Variants in CEP112 observed in about 807,000 individuals in gnomAD.
CEP112 encodes the protein centrosomal protein of 112 kDa.
Under a neutral mutation model 153.0 loss-of-function variants are expected in CEP112, and 127 were observed. That is an observed-to-expected ratio of 0.83 (90% confidence interval 0.72 to 0.96). The LOEUF is 0.96. CEP112 is among the 40% of genes least tolerant of loss of function. The pLI is 0.00. For synonymous variants in CEP112, 358 were observed against 374.4 expected (o/e 0.96, Z 0.51); for missense variants, 1,089 against 1,101.2 (o/e 0.99, Z 0.16).
At chr17:65,765,691 A>C (rs2318866) in intron 21 of CEP112, among the ~76,000 whole-genome samples, 112,249 of 151,888 alleles carry the variant, frequency 0.74, 41,618 homozygotes, top group Middle Eastern at 0.84. Flanking sequence ...GCTGCCACTG[A>C]TTCCCTAAAC....
intron 6 of CEP112, among the ~76,000 whole-genome samples, chr17:66,106,216 A>G (rs879394019): frequency 9.2e-5 from 14 of 152,288 alleles, no homozygotes; most frequent in East Asian, 1.9e-4. Flanking sequence ...AAAAACTTCA[A>G]ATAAACAACC....
Position 65,851,900 on chromosome 17 carries a change from A to ATGTTCCCT in CEP112, c.2290_2297dup (p.His766GlnfsTer11). 6.2e-7 allele frequency: 1 copy of ATGTTCCCT among 1,611,918 alleles called. No individual in the cohort carries two copies. The highest frequency in any genetic ancestry group is 1.3e-5 in the African/African-American group (1 of 74,954). ...CCTTCAGTTTATTGACGACAATCTC[A>ATGTTCCCT]TGTTCCCTTGTAGCCCTTTGCTTTT... is the stretch of plus-strand genomic sequence containing the variant. On this transcript the variant is annotated frameshift_variant, in exon 21 of 27. Transcript: ENST00000535342. LOFTEE classifies it high-confidence loss of function.
chr17:66,149,884 GTTTGT>G (rs2071108269), intron 4 of CEP112, among the ~76,000 whole-genome samples: 1 of 46,838 alleles, frequency 2.1e-5, no homozygotes, highest in African/African-American at 8.3e-5. Context: ...TTTTTTGTTT[GTTTGT>G]TTTTTTTTTT....
intron 11 of CEP112, among the ~76,000 whole-genome samples, chr17:66,062,123 G>A (rs2066945190): frequency 6.6e-6 from 1 of 152,028 alleles, no homozygotes; most frequent in Non-Finnish European, 1.5e-5. Flanking sequence ...GGCCTCCCCA[G>A]CCATGCTGAA....
Position 65,743,053 on chromosome 17 carries a change from A to G in CEP112, c.2607+15T>C, listed in dbSNP as rs1660911152. Reference sequence around the variant, plus strand: ...AAGCAGCTGGTACCACTGGTTACTGAAGTCTTCAGATTACCTTGATTGCTT... The same window carrying G: ...AAGCAGCTGGTACCACTGGTTACTGGAGTCTTCAGATTACCTTGATTGCTT... On this transcript the variant is annotated intron_variant, in intron 23 of 26. Coordinates refer to ENST00000535342, the MANE Select transcript of CEP112 (RefSeq NM_001199165.4). 9.4e-6 allele frequency: 15 copies of G among 1,593,012 alleles called. No homozygotes were observed. The highest frequency in any genetic ancestry group is 1.3e-5 in the African/African-American group (1 of 74,208).
intron 21 of CEP112, chr17:65,826,036 C>T: frequency 8.6e-7 from 1 of 1,165,804 alleles, no homozygotes; most frequent in Non-Finnish European, 1.3e-6. Context: ...CAAAATTCAT[C>T]TCCTTGAGAT....
At chr17:65,683,957 C>T (rs1023423921) in intron 24 of CEP112, among the ~76,000 whole-genome samples, 2 of 152,174 alleles carry the variant, frequency 1.3e-5, no homozygotes, top group African/African-American at 4.8e-5. Flanking sequence ...AGGTGAATCA[C>T]TTGAACCCGG....
At chr17:65,908,125 C>T (rs2143737658) in intron 19 of CEP112, among the ~76,000 whole-genome samples, 1 of 152,260 alleles carries the variant, frequency 6.6e-6, no homozygotes, top group Admixed American at 6.5e-5. Flanking sequence ...CTAAGGAGTT[C>T]CCTGTAATAA....
rs377348162 is a variant in CEP112 at position 65,927,693 on chromosome 17, T to C, written c.1873-4A>G. The C allele has an allele frequency of 8.6e-6, 13 of 1,505,324 alleles. No individual in the cohort carries two copies. Among genetic ancestry groups the C allele is most frequent in the Admixed American group, 2.3e-5 (1 of 43,148 alleles). The allele number at this position is 1,505,324 out of a possible 1,614,324, so 93.2% of individuals were successfully genotyped here. A position where few individuals can be genotyped will look rare whatever the true frequency, so the allele number is the denominator to read the frequency against. On this transcript the variant is annotated splice_polypyrimidine_tract_variant and splice_region_variant and intron_variant, in intron 18 of 26. Transcript: ENST00000535342. ...GATCTGCCTCCACTTTTTCCATCTA[T>C]AAAATTTAAAAATCAAATATTAATT... is the stretch of plus-strand genomic sequence containing the variant.
intron 21 of CEP112, among the ~76,000 whole-genome samples, chr17:65,828,682 T>G (rs2056946108): frequency 7.9e-6 from 1 of 126,056 alleles, no homozygotes; most frequent in Non-Finnish European, 1.6e-5. Flanking sequence ...TCACAAATAA[T>G]TTTTCTTTTT....
intron 21 of CEP112, among the ~76,000 whole-genome samples, chr17:65,842,309 T>C (rs1295264477): frequency 6.6e-6 from 1 of 152,180 alleles, no homozygotes; most frequent in African/African-American, 2.4e-5. Flanking sequence ...ACATAAAATA[T>C]ACTCTCTTTT....
At chr17:66,130,790 A>AAC (rs1241343014) in intron 5 of CEP112, among the ~76,000 whole-genome samples, 5 of 151,728 alleles carry the variant, frequency 3.3e-5, no homozygotes, top group South Asian at 4.2e-4. Flanking sequence ...AAAAAAAAAA[A>AAC]AAACACACAC....
chr17:65,802,729 T>C (rs959400633), intron 21 of CEP112, among the ~76,000 whole-genome samples: 5 of 152,240 alleles, frequency 3.3e-5, no homozygotes, highest in Admixed American at 6.5e-5. Context: ...GAATTGTATA[T>C]ATTTATCATC....
At chr17:66,004,671 C>T (rs1250226334) in intron 17 of CEP112, among the ~76,000 whole-genome samples, 2 of 152,258 alleles carry the variant, frequency 1.3e-5, no homozygotes, top group Non-Finnish European at 2.9e-5. Flanking sequence ...CGCATTAAAA[C>T]GTTCTATTCA....
chr17:65,689,452 A>G (rs2047987808), intron 23 of CEP112, among the ~76,000 whole-genome samples: 1 of 152,196 alleles, frequency 6.6e-6, no homozygotes, highest in Non-Finnish European at 1.5e-5. Flanking sequence ...GCAGATGTCA[A>G]TCATATATTA....
intron 17 of CEP112, among the ~76,000 whole-genome samples, chr17:65,970,154 A>G (rs1568312364): frequency 6.6e-6 from 1 of 152,206 alleles, no homozygotes; most frequent in Non-Finnish European, 1.5e-5. Flanking sequence ...TTGCATGTGT[A>G]TAGCAAACAT....
At chr17:65,934,991 A>G (rs1213337667) in intron 18 of CEP112, among the ~76,000 whole-genome samples, 3 of 152,186 alleles carry the variant, frequency 2.0e-5, no homozygotes, top group African/African-American at 7.2e-5. Flanking sequence ...AGCTCTCATG[A>G]GACTCACCCA....
At chr17:65,971,159 C>A (rs959426610) in intron 17 of CEP112, among the ~76,000 whole-genome samples, 13 of 150,152 alleles carry the variant, frequency 8.7e-5, no homozygotes, top group African/African-American at 3.3e-4. Context: ...GATACATGTA[C>A]ATTACATGTA....
At chr17:66,082,899 C>A (rs1398141957) in intron 8 of CEP112, among the ~76,000 whole-genome samples, 1 of 151,564 alleles carries the variant, frequency 6.6e-6, no homozygotes, top group African/African-American at 2.4e-5. Flanking sequence ...ACCATTAATT[C>A]TATTAGTAAT....
Sources: gnomAD v4.1 joint callset for allele counts (sites outside exome capture counted in the v4.1 genomes callset) on GRCh38, gnomAD v4.1.1 for gene constraint, MANE v1.5 for transcripts, NCBI Gene and HGNC (gene_info 2026-07-23, HGNC 2026-07-21) for gene names.